The following AFF3 variants were observed in gnomAD, a reference collection of about 807,000 sequenced individuals.
AFF3 encodes the protein ALF transcription elongation factor 3.
In AFF3, 32 loss-of-function variants were observed where a neutral mutation model predicts 129.7. The observed-to-expected ratio is 0.25, with a 90% CI of 0.19 to 0.33. The LOEUF (loss-of-function observed/expected upper bound fraction) is 0.33. Ranked by LOEUF, AFF3 falls within the 10% of genes least tolerant of loss-of-function variation. AFF3 has a pLI of 1.00. For synonymous variants in AFF3, 644 were observed against 635.4 expected, an observed-to-expected ratio of 1.01 and a Z score of -0.20; for missense variants, 1,373 against 1,592.0, an observed-to-expected ratio of 0.86 and a Z score of 2.34.
At position 99,896,620 on chromosome 2, in the gene AFF3, C is replaced by CTTTTTTTTTTTTTTTTTTTTT. The variant is rs35573862; in HGVS notation, c.874-59117_874-59097dup. ...GATCATTTACTTCCCTGTCAAAATG[C>CTTTTTTTTTTTTTTTTTTTTT]TTTTTTTTTTTTTTTTTTTTTTTTT... On this transcript the variant is annotated intron_variant, in intron 7 of 24. Coordinates refer to ENST00000672756, the MANE Select transcript of AFF3 (RefSeq NM_001386135.1). Among the ~76,000 whole-genome samples the CTTTTTTTTTTTTTTTTTTTTT allele has an allele frequency of 1.4e-4, 5 of 36,074 alleles. 2 individuals carry two copies. Among genetic ancestry groups the CTTTTTTTTTTTTTTTTTTTTT allele is most frequent in the Non-Finnish European group, 1.6e-4 (3 of 19,346 alleles). The allele number at this position is 36,074 out of a possible 152,430, so 23.7% of individuals were successfully genotyped here. A position where few individuals can be genotyped will look rare whatever the true frequency, so the allele number is the denominator to read the frequency against.
chr2:99,824,867 C>A (rs1475267496), intron 8 of AFF3, among the ~76,000 whole-genome samples: 11 of 152,012 alleles, frequency 7.2e-5, no homozygotes, highest in African/African-American at 2.4e-4. Flanking sequence ...GAGTTCTGGG[C>A]CAATGAAATA....
At chr2:99,587,843 C>G (rs903677642) in intron 15 of AFF3, among the ~76,000 whole-genome samples, 14 of 152,020 alleles carry the variant, frequency 9.2e-5, no homozygotes, top group African/African-American at 2.9e-4. Context: ...AACCCCATCT[C>G]TACTAAAATA....
intron 7 of AFF3, among the ~76,000 whole-genome samples, chr2:99,952,074 G>T (rs1676221901): frequency 1.3e-5 from 2 of 152,124 alleles, no homozygotes; most frequent in African/African-American, 4.8e-5. Flanking sequence ...TTTCTAGTAT[G>T]GTTTGGATCT....
chr2:100,025,690 T>C (rs1683977582), intron 4 of AFF3, among the ~76,000 whole-genome samples: 1 of 152,076 alleles, frequency 6.6e-6, no homozygotes, highest in Non-Finnish European at 1.5e-5. Flanking sequence ...GGTACTGGTA[T>C]AAAAATAGGC....
At chr2:99,934,707 C>G (rs1253845739) in intron 7 of AFF3, among the ~76,000 whole-genome samples, 1 of 152,212 alleles carries the variant, frequency 6.6e-6, no homozygotes, top group Non-Finnish European at 1.5e-5. Flanking sequence ...CACCCTTGCT[C>G]AGCCCCTCAC....
intron 13 of AFF3, among the ~76,000 whole-genome samples, chr2:99,603,974 A>G (rs1015067612): frequency 3.9e-5 from 6 of 152,214 alleles, no homozygotes; most frequent in Non-Finnish European, 8.8e-5. Flanking sequence ...ATCCAAAAAT[A>G]ATAGGTGTTG....
chr2:99,707,131 C>T (rs553593041), intron 11 of AFF3: 1 of 985,406 alleles, frequency 1.0e-6, no homozygotes, highest in East Asian at 1.1e-4. Flanking sequence ...CCAGTTGTGG[C>T]TTAGCAAGTC....
intron 7 of AFF3, among the ~76,000 whole-genome samples, chr2:99,964,029 G>C (rs192015926): frequency 6.6e-6 from 1 of 152,126 alleles, no homozygotes; most frequent in East Asian, 1.9e-4. Flanking sequence ...AGACAAAGAA[G>C]AATGTGACAT....
intron 13 of AFF3, among the ~76,000 whole-genome samples, chr2:99,605,303 G>T (rs1181057783): frequency 1.3e-5 from 2 of 152,194 alleles, no homozygotes; most frequent in Non-Finnish European, 2.9e-5. Context: ...ACTTGTAAGG[G>T]TTGTGAAATT....
intron 18 of AFF3, 126 bp from the exon 19 acceptor site, chr2:99,569,041 GT>G: frequency 1.1e-6 from 1 of 893,762 alleles, no homozygotes; most frequent in Non-Finnish European, 1.8e-6. Context: ...AATTAAGTGT[GT>G]TTTTTGCCTT....
chr2:99,625,530 A>C (rs1011371759), intron 13 of AFF3, among the ~76,000 whole-genome samples: 5 of 152,194 alleles, frequency 3.3e-5, no homozygotes, highest in African/African-American at 9.7e-5. Context: ...TGACACCTGG[A>C]AACAGCATCA....
At chr2:99,895,755 T>C (rs1457779166) in intron 7 of AFF3, among the ~76,000 whole-genome samples, 1 of 151,954 alleles carries the variant, frequency 6.6e-6, no homozygotes, top group African/African-American at 2.4e-5. Flanking sequence ...ACATTCTCCA[T>C]AGCTGCTTCT....
intron 4 of AFF3, among the ~76,000 whole-genome samples, chr2:100,047,816 T>C (rs1685958916): frequency 6.6e-6 from 1 of 152,200 alleles, no homozygotes; most frequent in East Asian, 1.9e-4. Context: ...TTGTATTAAC[T>C]AGTGCCATAA....
intron 18 of AFF3, among the ~76,000 whole-genome samples, chr2:99,571,133 C>T (rs987405371): frequency 6.6e-6 from 1 of 152,150 alleles, no homozygotes; most frequent in Non-Finnish European, 1.5e-5. Context: ...AGCAGGTCTC[C>T]CTTGAATGAA....
At chr2:100,033,440 T>C (rs1684673098) in intron 4 of AFF3, among the ~76,000 whole-genome samples, 1 of 152,196 alleles carries the variant, frequency 6.6e-6, no homozygotes, top group Admixed American at 6.5e-5. Context: ...GTTACTTCTA[T>C]ATGAAACATC....
At chr2:99,599,120 C>T (rs1444746118) in intron 14 of AFF3, among the ~76,000 whole-genome samples, 1 of 152,204 alleles carries the variant, frequency 6.6e-6, no homozygotes, top group Non-Finnish European at 1.5e-5. Context: ...CTCTCCTTAG[C>T]GAGGGGCCTC....
At position 99,625,254 on chromosome 2, in the gene AFF3, C is replaced by T. The variant is rs376087928; in HGVS notation, c.1185-23633G>A. ...GGTCTTTCAATCAAAATATCGTTTG[C>T]GTAGGGTTGCCAGGCAAAATACAGG... On this transcript the variant is annotated intron_variant, in intron 13 of 24. Coordinates refer to ENST00000672756, the MANE Select transcript of AFF3 (RefSeq NM_001386135.1). Among the ~76,000 whole-genome samples, 11 of 152,210 alleles carry T rather than the reference C, an allele frequency of 7.2e-5. No homozygotes were observed. In the East Asian group the frequency reaches 1.4e-3, roughly 19 times the overall value.
intron 13 of AFF3, among the ~76,000 whole-genome samples, chr2:99,633,290 G>T (rs530444994): frequency 3.9e-5 from 6 of 152,194 alleles, no homozygotes; most frequent in African/African-American, 1.4e-4. Flanking sequence ...TGGAAGGCAG[G>T]AAATGAGGTG....
In AFF3 at chr2:99,550,807, T is replaced by C. The variant is rs568377875; in HGVS notation, c.*667A>G. On this transcript the variant is annotated 3_prime_UTR_variant, in exon 25 of 25. Coordinates refer to ENST00000672756, the MANE Select transcript of AFF3 (RefSeq NM_001386135.1). ...TCCATCTGTTTGCCTGGAATGCATT[T>C]AGTTGATAATAGAGTCAGATGGGGG... The C allele has an allele frequency of 3.0e-5, 7 of 234,624 alleles. No individual in the cohort carries two copies. The Admixed American group carries it at 3.4e-4, about 11-fold the overall frequency. The allele number at this position is 234,624 out of a possible 1,614,324, so 14.5% of individuals were successfully genotyped here.
Sources: gnomAD v4.1 joint callset for allele counts (sites outside exome capture counted in the v4.1 genomes callset) on GRCh38, gnomAD v4.1.1 for gene constraint, MANE v1.5 for transcripts, NCBI Gene and HGNC (gene_info 2026-07-23, HGNC 2026-07-21) for gene names.